Variants in BICRAL observed in about 807,000 individuals in gnomAD.
BICRAL encodes BICRA like chromatin remodeling complex associated protein.
A neutral mutation model predicts 91.8 loss-of-function variants in BICRAL; 8 were observed. The observed-to-expected ratio is 0.09, with a 90% CI of 0.05 to 0.16. The LOEUF is 0.16. Among genes scored for constraint, BICRAL ranks in the 10% least tolerant of loss-of-function variants. The pLI, the probability that BICRAL is intolerant of heterozygous loss-of-function variation, is 1.00. For missense variants in BICRAL, 1,038 were observed against 1,310.9 expected (o/e 0.79, Z 3.21); for synonymous variants, 445 against 491.1 (o/e 0.91, Z 1.24).
At chr6:42,849,910 A>T (rs1765126555) in intron 6 of BICRAL, among the ~76,000 whole-genome samples, 1 of 152,028 alleles carries the variant, frequency 6.6e-6, no homozygotes, top group South Asian at 2.1e-4. Context: ...AAAATTAGCC[A>T]GGCATGGTCA....
At chr6:42,782,646 G>C (rs1465376854) in intron 1 of BICRAL, among the ~76,000 whole-genome samples, 1 of 151,470 alleles carries the variant, frequency 6.6e-6, no homozygotes, top group Non-Finnish European at 1.5e-5. Context: ...GTTGGTGGTG[G>C]GGAGGGGAGG....
At position 42,862,554 on chromosome 6, in the gene BICRAL, C is replaced by A; in HGVS notation, c.2394C>A (p.Phe798Leu). 6.2e-7 allele frequency: 1 copy of A among 1,612,588 alleles called. No individual in the cohort carries two copies. Among genetic ancestry groups the A allele is most frequent in the South Asian group, 1.1e-5 (1 of 91,014 alleles). Residue 798 changes from phenylalanine to leucine, a missense_variant, in exon 12 of 13, where the codon TTC becomes TTA. Coordinates refer to ENST00000314073, the MANE Select transcript of BICRAL (RefSeq NM_001393499.1). Reference sequence around the variant, plus strand: ...AGATGGTGATGATCGATAGGATGTTCAACCAGGAGGAAAGAGCTTCCCTGT... The same window carrying A: ...AGATGGTGATGATCGATAGGATGTTAAACCAGGAGGAAAGAGCTTCCCTGT... ...SAEMVMIDRMFNQEERASLSR... is the reference protein window; with the variant it reads ...SAEMVMIDRMLNQEERASLSR...
intron 5 of BICRAL, among the ~76,000 whole-genome samples, chr6:42,823,349 C>A (rs1157607318): frequency 2.0e-5 from 3 of 152,128 alleles, no homozygotes; most frequent in Admixed American, 2.0e-4. Flanking sequence ...CTTGAACTCT[C>A]AGGCTCAAGC....
intron 1 of BICRAL, among the ~76,000 whole-genome samples, chr6:42,790,305 T>C (rs1763231681): frequency 6.6e-6 from 1 of 150,506 alleles, no homozygotes; most frequent in Non-Finnish European, 1.5e-5. Context: ...ACTATAGAAA[T>C]GCAACACCAT....
chr6:42,797,549 A>T (rs778646723), intron 1 of BICRAL, among the ~76,000 whole-genome samples: 5 of 152,118 alleles, frequency 3.3e-5, no homozygotes, highest in Non-Finnish European at 7.4e-5. Context: ...AGTGTGCCTC[A>T]GTTTCTTCCT....
rs568696389 is a variant in BICRAL, at chr6:42,829,582, G to T, written c.1249G>T (p.Val417Phe). Residue 417 changes from valine (V) to phenylalanine (F), a missense_variant, in exon 6 of 13, where the codon GTC becomes TTC. Around this residue, in one of 5 missense-constraint regions of BICRAL, gnomAD observed 532 missense variants for 724.9 expected, o/e 0.73. Transcript: ENST00000314073. ...TGTCAGTTCCAACTCGGTACACCACGTCCAGACTATAAATGGGCAACTTCT... is the reference window on the plus strand; with the variant it reads ...TGTCAGTTCCAACTCGGTACACCACTTCCAGACTATAAATGGGCAACTTCT... ...LSVSSNSVHH[V>F]QTINGQLLQT... is the part of the protein sequence containing the mutation. 1.9e-6 allele frequency: 3 copies of T among 1,614,174 alleles called. No individual in the cohort carries two copies. Among genetic ancestry groups the T allele is most frequent in the Non-Finnish European group, 2.5e-6 (3 of 1,180,026 alleles).
intron 2 of BICRAL, among the ~76,000 whole-genome samples, chr6:42,815,331 A>G (rs1479799772): frequency 1.3e-5 from 2 of 151,404 alleles, no homozygotes; most frequent in Non-Finnish European, 2.9e-5. Flanking sequence ...ATAGGATTAC[A>G]GGCATCCACC....
chr6:42,783,207 C>G (rs1762982540), intron 1 of BICRAL, among the ~76,000 whole-genome samples: 1 of 151,668 alleles, frequency 6.6e-6, no homozygotes. Flanking sequence ...AGCCGCCTCG[C>G]TGCCTTTTCG....
chr6:42,830,677 G>A (rs558384262), intron 6 of BICRAL, among the ~76,000 whole-genome samples: 34 of 152,288 alleles, frequency 2.2e-4, no homozygotes, highest in Non-Finnish European at 4.3e-4. Context: ...GGGCAGTGGC[G>A]CAATCATAGC....
At chr6:42,816,159 AC>A (rs1426948363) in intron 2 of BICRAL, among the ~76,000 whole-genome samples, 1 of 151,430 alleles carries the variant, frequency 6.6e-6, no homozygotes, top group Non-Finnish European at 1.5e-5. Context: ...GCAGTTCGAG[AC>A]CAGCATGGGC....
At chr6:42,806,614 T>C (rs957865925) in intron 1 of BICRAL, among the ~76,000 whole-genome samples, 34 of 149,474 alleles carry the variant, frequency 2.3e-4, no homozygotes, top group African/African-American at 4.9e-4. Context: ...CCAGGCTCCA[T>C]TGATCCTCCC....
chr6:42,782,950 C>G (rs1188005674), intron 1 of BICRAL, among the ~76,000 whole-genome samples: 1 of 135,452 alleles, frequency 7.4e-6, no homozygotes, highest in Non-Finnish European at 1.6e-5. Context: ...TCTTTCTTCT[C>G]GGCAAAATGG....
chr6:42,768,328 A>C (rs899276556), intron 1 of BICRAL, among the ~76,000 whole-genome samples: 3 of 152,220 alleles, frequency 2.0e-5, no homozygotes, highest in Non-Finnish European at 2.9e-5. Context: ...AGTGAAGTGA[A>C]GGCAAAAGGA....
intron 1 of BICRAL, among the ~76,000 whole-genome samples, chr6:42,758,543 A>G (rs1762493858): frequency 6.6e-6 from 1 of 152,168 alleles, no homozygotes; most frequent in African/African-American, 2.4e-5. Context: ...GCTCCCTCAG[A>G]GCTCAGAAGC....
intron 1 of BICRAL, among the ~76,000 whole-genome samples, chr6:42,751,906 C>T (rs1762387339): frequency 6.6e-6 from 1 of 152,154 alleles, no homozygotes; most frequent in African/African-American, 2.4e-5. Flanking sequence ...ATCCGCCCGC[C>T]TCAGCTTCCC....
intron 2 of BICRAL, among the ~76,000 whole-genome samples, chr6:42,816,626 T>C (rs956185158): frequency 1.9e-4 from 29 of 152,082 alleles, no homozygotes; most frequent in African/African-American, 7.0e-4. Flanking sequence ...TCATTTTGTG[T>C]CCTTCTTCTC....
At chr6:42,761,443 CAATA>C (rs1014214869) in intron 1 of BICRAL, among the ~76,000 whole-genome samples, 8 of 151,724 alleles carry the variant, frequency 5.3e-5, no homozygotes, top group African/African-American at 1.9e-4. Context: ...AGCTGGAGTG[CAATA>C]AATAAATTAA....
intron 12 of BICRAL, among the ~76,000 whole-genome samples, chr6:42,863,915 G>A (rs1180211709): frequency 6.6e-6 from 1 of 152,112 alleles, no homozygotes; most frequent in African/African-American, 2.4e-5. Context: ...TGTAATCTCA[G>A]CACTTTCGGA....
chr6:42,817,165 T>C (rs1428523251), intron 2 of BICRAL, among the ~76,000 whole-genome samples: 1 of 151,714 alleles, frequency 6.6e-6, no homozygotes, highest in African/African-American at 2.4e-5. Flanking sequence ...TGTGTGTGTG[T>C]GTGTGTGTAT....
Sources: allele counts gnomAD v4.1 joint callset (sites outside exome capture counted in the v4.1 genomes callset), GRCh38; gene constraint gnomAD v4.1.1; regional missense constraint gnomAD v4.1.1; transcripts MANE v1.5; gene names NCBI Gene and HGNC (gene_info 2026-07-23, HGNC 2026-07-21).